Variants in ADAM20 observed in about 807,000 individuals in gnomAD.
ADAM20 encodes disintegrin and metalloproteinase domain-containing protein 20.
For synonymous variants in ADAM20, 305 were observed against 310.2 expected (o/e 0.98, Z 0.18); for missense variants, 871 against 883.2 (o/e 0.99, Z 0.18).
chr14:70,562,490 T>C, the ADAM20 span, among the ~76,000 whole-genome samples: 1 of 152,160 alleles, frequency 6.6e-6, no homozygotes, highest in Non-Finnish European at 1.5e-5. Context: ...ATTTTTGCAA[T>C]GTGAGAATGA....
chr14:70,554,514 A>T, the ADAM20 span, among the ~76,000 whole-genome samples: 1 of 152,316 alleles, frequency 6.6e-6, no homozygotes, highest in East Asian at 1.9e-4. Context: ...ATGGATAAAG[A>T]AATTGTGATA....
chr14:70,525,420 C>T, intron 1 of ADAM20, among the ~76,000 whole-genome samples: 1 of 152,030 alleles, frequency 6.6e-6, no homozygotes, highest in East Asian at 1.9e-4. Context: ...TGGAGTCTCA[C>T]TATGTTACCC....
chr14:70,571,834 A>G, the ADAM20 span, among the ~76,000 whole-genome samples: 3 of 152,358 alleles, frequency 2.0e-5, no homozygotes, highest in East Asian at 3.9e-4. Flanking sequence ...ATGTGCAGCA[A>G]TAACATTCAA....
At chr14:70,571,369 A>G in the ADAM20 span, among the ~76,000 whole-genome samples, 4 of 152,254 alleles carry the variant, frequency 2.6e-5, no homozygotes, top group East Asian at 7.7e-4. Context: ...ACAGGATCTG[A>G]TGGTTTTATA....
At chr14:70,554,088 G>C in the ADAM20 span, among the ~76,000 whole-genome samples, 1 of 152,108 alleles carries the variant, frequency 6.6e-6, no homozygotes, top group Non-Finnish European at 1.5e-5. Context: ...TAAAATTGCA[G>C]GGTACAAAAA....
chr14:70,560,327 A>G, the ADAM20 span, among the ~76,000 whole-genome samples: 512 of 152,288 alleles, frequency 3.4e-3, 10 homozygotes, highest in Non-Finnish European at 3.1e-4. Context: ...ATCAAAAAAG[A>G]TTTTATAATG....
the ADAM20 span, among the ~76,000 whole-genome samples, chr14:70,542,284 C>T: frequency 3.3e-5 from 5 of 152,118 alleles, no homozygotes; most frequent in South Asian, 2.1e-4. Context: ...AAGTTCAATA[C>T]GAATCTGTTT....
At chr14:70,554,268 G>A in the ADAM20 span, among the ~76,000 whole-genome samples, 10 of 152,286 alleles carry the variant, frequency 6.6e-5, no homozygotes, top group African/African-American at 2.4e-4. Context: ...GCCCTTGTAC[G>A]CTGTTGGTGG....
At chr14:70,557,275 A>G in the ADAM20 span, 1 of 152,226 alleles carries the variant, frequency 6.6e-6, no homozygotes, top group African/African-American at 2.4e-5. Flanking sequence ...AAAGATATAT[A>G]TGAGAAGGAG....
At chr14:70,526,350 G>C (rs1462752355) in intron 1 of ADAM20, among the ~76,000 whole-genome samples, 1 of 152,126 alleles carries the variant, frequency 6.6e-6, no homozygotes. Context: ...TGGGTGTCCA[G>C]AACTAATGGA....
chr14:70,563,336 A>G, the ADAM20 span, among the ~76,000 whole-genome samples: 1 of 152,192 alleles, frequency 6.6e-6, no homozygotes, highest in Admixed American at 6.5e-5. Flanking sequence ...TCTAGGGGAA[A>G]AAAAGTAGAT....
chr14:70,557,003 T>C, the ADAM20 span: 1 of 152,194 alleles, frequency 6.6e-6, no homozygotes, highest in African/African-American at 2.4e-5. Flanking sequence ...GGAATGCCTC[T>C]CTGAGCTGCC....
At chr14:70,559,721 T>C in the ADAM20 span, among the ~76,000 whole-genome samples, 19 of 152,212 alleles carry the variant, frequency 1.2e-4, no homozygotes, top group African/African-American at 4.6e-4. Flanking sequence ...GCTGGTCTCC[T>C]TGCTGATCCA....
At chr14:70,578,484 A>G in the ADAM20 span, among the ~76,000 whole-genome samples, 1 of 152,164 alleles carries the variant, frequency 6.6e-6, no homozygotes, top group African/African-American at 2.4e-5. Flanking sequence ...AAAACAAAAA[A>G]TAGACAAATG....
chr14:70,563,883 AC>A, the ADAM20 span, among the ~76,000 whole-genome samples: 2 of 152,228 alleles, frequency 1.3e-5, no homozygotes, highest in East Asian at 3.8e-4. Context: ...TTTATCAATT[AC>A]CTAATTTCAG....
chr14:70,541,020 T>C, the ADAM20 span, among the ~76,000 whole-genome samples: 1 of 152,094 alleles, frequency 6.6e-6, no homozygotes, highest in African/African-American at 2.4e-5. Flanking sequence ...CTCGATCTCT[T>C]GACCTCATGA....
the ADAM20 span, among the ~76,000 whole-genome samples, chr14:70,572,804 C>T: frequency 2.6e-5 from 4 of 151,866 alleles, no homozygotes; most frequent in Admixed American, 2.6e-4. Context: ...TCTCAAAGGA[C>T]ATACAAGCAG....
the ADAM20 span, among the ~76,000 whole-genome samples, chr14:70,545,812 G>C: frequency 6.6e-6 from 1 of 152,108 alleles, no homozygotes; most frequent in Admixed American, 6.5e-5. Flanking sequence ...GATCTCCCAG[G>C]CAGAAAATAA....
chr14:70,540,768 T>A, the ADAM20 span, among the ~76,000 whole-genome samples: 1 of 152,220 alleles, frequency 6.6e-6, no homozygotes, highest in African/African-American at 2.4e-5. Context: ...TCATCATCTT[T>A]AATATTAAAG....
Sources: gnomAD v4.1 joint callset for allele counts (sites outside exome capture counted in the v4.1 genomes callset) on GRCh38, gnomAD v4.1.1 for gene constraint, MANE v1.5 for transcripts, NCBI Gene and HGNC (gene_info 2026-07-23, HGNC 2026-07-21) for gene names.